GSK3B: variants seen among roughly 807,000 people sequenced by gnomAD.
GSK3B encodes glycogen synthase kinase 3 beta.
A neutral mutation model predicts 56.4 loss-of-function variants in GSK3B; 15 were observed. The ratio of observed to expected loss-of-function variants is 0.27; its 90% CI spans 0.18 to 0.41. The LOEUF (loss-of-function observed/expected upper bound fraction) is 0.41, where lower values mean the gene tolerates loss of function less well. GSK3B is among the 10% of genes least tolerant of loss of function. GSK3B has a pLI of 1.00. For missense variants in GSK3B, 300 were observed against 513.4 expected, an observed-to-expected ratio of 0.58 and a Z score of 4.02; for synonymous variants, 181 against 188.9, an observed-to-expected ratio of 0.96 and a Z score of 0.34.
At chr3:120,053,281 G>A (rs540428403) in intron 1 of GSK3B, among the ~76,000 whole-genome samples, 1 of 152,296 alleles carries the variant, frequency 6.6e-6, no homozygotes, top group East Asian at 1.9e-4. Flanking sequence ...AAGTTGTGGT[G>A]AGCCCAGATC....
chr3:120,040,108 A>G (rs1247760231), intron 1 of GSK3B, among the ~76,000 whole-genome samples: 1 of 152,260 alleles, frequency 6.6e-6, no homozygotes, highest in Non-Finnish European at 1.5e-5. Context: ...CTCTGTGCAC[A>G]GACCAAAGTC....
chr3:119,957,228 T>C (rs1197408665), intron 2 of GSK3B, among the ~76,000 whole-genome samples: 1 of 152,246 alleles, frequency 6.6e-6, no homozygotes, highest in African/African-American at 2.4e-5. Context: ...TTTTAAATTA[T>C]AGTTATAAAA....
chr3:119,866,744 C>T, intron 8 of GSK3B: 1 of 679,906 alleles, frequency 1.5e-6, no homozygotes, highest in Non-Finnish European at 2.6e-6. Context: ...TGGGGGGGGA[C>T]ATAGAAAATG....
intron 8 of GSK3B, among the ~76,000 whole-genome samples, chr3:119,875,064 A>C (rs2056295006): frequency 6.6e-6 from 1 of 152,076 alleles, no homozygotes. Flanking sequence ...TGAATCTCAG[A>C]CTACTTAGTG....
At chr3:120,001,182 C>T (rs1318334289) in intron 2 of GSK3B, among the ~76,000 whole-genome samples, 2 of 151,878 alleles carry the variant, frequency 1.3e-5, no homozygotes, top group African/African-American at 2.4e-5. Flanking sequence ...TTAGCACCAT[C>T]CCCTTGTTGA....
rs1316945873 is a variant in GSK3B, at chr3:119,823,439, T to C, written c.*3349A>G. Reference sequence around the variant, plus strand: ...TTTAGACCACTGACGTATCAAAACCTGATACTATTAAGAAACTTCGATTTA... The same window carrying C: ...TTTAGACCACTGACGTATCAAAACCCGATACTATTAAGAAACTTCGATTTA... On this transcript the variant is annotated 3_prime_UTR_variant, in exon 11 of 11. Transcript: ENST00000264235. 3.0e-5 allele frequency: 6 copies of C among 197,850 alleles called. No homozygotes were observed. Among genetic ancestry groups the C allele is most frequent in the Non-Finnish European group, 1.0e-5 (1 of 95,606 alleles). 12.3% of individuals were successfully genotyped at this position (197,850 alleles called of 1,614,324 possible).
intron 1 of GSK3B, among the ~76,000 whole-genome samples, chr3:120,081,220 C>G (rs958475301): frequency 1.3e-5 from 2 of 151,344 alleles, no homozygotes; most frequent in African/African-American, 4.9e-5. Context: ...CTCTATGTCT[C>G]TTTCCTTTCC....
intron 1 of GSK3B, among the ~76,000 whole-genome samples, chr3:120,019,176 T>C (rs542891543): frequency 2.4e-4 from 36 of 152,294 alleles, no homozygotes; most frequent in Non-Finnish European, 2.4e-4. Context: ...TTCTTAATAA[T>C]AGTTTAATAC....
intron 7 of GSK3B, among the ~76,000 whole-genome samples, chr3:119,877,550 T>C (rs996032231): frequency 5.3e-5 from 8 of 152,298 alleles, no homozygotes; most frequent in South Asian, 2.1e-4. Context: ...CCTGTAGATA[T>C]GGAGGGCCAA....
intron 2 of GSK3B, among the ~76,000 whole-genome samples, chr3:119,965,073 CAG>C (rs2057307445): frequency 7.8e-6 from 1 of 127,508 alleles, no homozygotes; most frequent in Non-Finnish European, 1.6e-5. Flanking sequence ...TTTTTTGAGA[CAG>C]AAAGTCTTGC....
chr3:120,074,180 C>G (rs2058349709), intron 1 of GSK3B, among the ~76,000 whole-genome samples: 1 of 151,888 alleles, frequency 6.6e-6, no homozygotes, highest in Admixed American at 6.6e-5. Context: ...TAGCACATAT[C>G]TGCAGTACCA....
chr3:119,850,614 T>C (rs2055917357), intron 9 of GSK3B, among the ~76,000 whole-genome samples: 1 of 152,146 alleles, frequency 6.6e-6, no homozygotes, highest in Non-Finnish European at 1.5e-5. Context: ...TACCTACTTC[T>C]AATCACTTTG....
chr3:120,019,687 G>T (rs2057856470), intron 1 of GSK3B, among the ~76,000 whole-genome samples: 1 of 152,080 alleles, frequency 6.6e-6, no homozygotes, highest in Admixed American at 6.6e-5. Context: ...ACAAAGAAAT[G>T]CCAGCAACCT....
At chr3:120,016,998 C>T (rs143401140) in intron 1 of GSK3B, among the ~76,000 whole-genome samples, 28 of 152,308 alleles carry the variant, frequency 1.8e-4, no homozygotes, top group African/African-American at 6.7e-4. Context: ...AAAAGGCTTA[C>T]AGCATGTGCA....
intron 1 of GSK3B, among the ~76,000 whole-genome samples, chr3:120,043,619 C>G (rs979337755): frequency 1.3e-5 from 2 of 152,186 alleles, no homozygotes; most frequent in Non-Finnish European, 2.9e-5. Flanking sequence ...TACCAGAGAT[C>G]CGGGCTGGAC....
intron 7 of GSK3B, among the ~76,000 whole-genome samples, chr3:119,890,904 AT>A (rs1190911700): frequency 1.3e-5 from 2 of 152,030 alleles, no homozygotes; most frequent in Non-Finnish European, 2.9e-5. Context: ...CAATATGCAT[AT>A]TTTTTAAGAA....
intron 3 of GSK3B, among the ~76,000 whole-genome samples, chr3:119,944,828 G>C (rs1440463855): frequency 6.6e-6 from 1 of 152,102 alleles, no homozygotes; most frequent in Non-Finnish European, 1.5e-5. Context: ...TAATGCTTCT[G>C]CTAGAAAAAT....
intron 7 of GSK3B, among the ~76,000 whole-genome samples, chr3:119,897,718 A>C (rs545022214): frequency 6.6e-6 from 1 of 150,704 alleles, no homozygotes; most frequent in East Asian, 2.0e-4. Flanking sequence ...CAAATTAAGT[A>C]CCAACTAACA....
At position 119,891,611 on chromosome 3, in the gene GSK3B, T is replaced by C. The variant is rs191188342; in HGVS notation, c.813+14144A>G. 2.0e-5 allele frequency among the ~76,000 whole-genome samples: 3 copies of C among 152,280 alleles called. No homozygotes were observed. In the East Asian group the frequency reaches 5.8e-4, roughly 29 times the overall value. ...CTTGAATTTTAAGAGATGGAAATTT[T>C]TTTTCCTCCAAAACGTTTAGACTAA... On this transcript the variant is annotated intron_variant, in intron 7 of 10. Transcript: ENST00000264235.
Sources: gnomAD v4.1 joint callset for allele counts (sites outside exome capture counted in the v4.1 genomes callset) on GRCh38, gnomAD v4.1.1 for gene constraint, MANE v1.5 for transcripts, NCBI Gene and HGNC (gene_info 2026-07-23, HGNC 2026-07-21) for gene names.